CEP170: variants seen among roughly 807,000 people sequenced by gnomAD.
The protein encoded by CEP170 is centrosomal protein 170, also known as centrosomal protein of 170 kDa.
A neutral mutation model predicts 151.9 loss-of-function variants in CEP170; 21 were observed. The observed-to-expected ratio is 0.14, with a 90% CI of 0.10 to 0.20. CEP170 has a LOEUF of 0.20. CEP170 is among the 10% of genes least tolerant of loss of function. CEP170 has a pLI of 1.00. For missense variants in CEP170, 964 were observed against 1,892.9 expected, an observed-to-expected ratio of 0.51 and a Z score of 9.11; for synonymous variants, 356 against 648.8, an observed-to-expected ratio of 0.55 and a Z score of 6.86.
intron 10 of CEP170, among the ~76,000 whole-genome samples, chr1:243,176,530 T>C (rs1430075359): frequency 6.8e-6 from 1 of 147,498 alleles, no homozygotes; most frequent in Non-Finnish European, 1.5e-5. Flanking sequence ...GGCCTTTAGG[T>C]CTGGGGTAAG....
intron 7 of CEP170, among the ~76,000 whole-genome samples, chr1:243,193,129 T>C (rs2060420113): frequency 6.6e-6 from 1 of 152,146 alleles, no homozygotes; most frequent in African/African-American, 2.4e-5. Context: ...TGTCTTTTTC[T>C]TAAAAATAAA....
Position 243,214,681 on chromosome 1 carries a change from T to C in CEP170, c.196-2717A>G, listed in dbSNP as rs560273782. Among the ~76,000 whole-genome samples the C allele has an allele frequency of 2.6e-4, 39 of 152,274 alleles. No individual in the cohort carries two copies. The South Asian group carries it at 7.1e-3, about 28-fold the overall frequency. On this transcript the variant is annotated intron_variant, in intron 3 of 19. Coordinates refer to ENST00000366542, the MANE Select transcript of CEP170 (RefSeq NM_014812.3). ...CTAAAGACATACAGTACTTGAGATC[T>C]GGAATCAACATTTATAAGATGGATA...
chr1:243,235,267 G>A (rs1452644401), intron 1 of CEP170, among the ~76,000 whole-genome samples: 1 of 152,170 alleles, frequency 6.6e-6, no homozygotes, highest in Non-Finnish European at 1.5e-5. Context: ...TCAGGCCGGG[G>A]TGGTCTACGG....
intron 19 of CEP170, among the ~76,000 whole-genome samples, chr1:243,127,188 G>T (rs185704574): frequency 1.3e-5 from 2 of 152,284 alleles, no homozygotes; most frequent in Non-Finnish European, 2.9e-5. Context: ...TACTTTGAAT[G>T]CTACCATAGA....
In CEP170 at chr1:243,238,677, A is replaced by G. The variant is rs530461687; in HGVS notation, c.-41-13356T>C. ...GTACTAGAGTGTATGGTATATATAC[A>G]TGTATTAAAGAAAAAATCAAATCAT... On this transcript the variant is annotated intron_variant, in intron 1 of 19. Coordinates refer to ENST00000366542, the MANE Select transcript of CEP170 (RefSeq NM_014812.3). Among the ~76,000 whole-genome samples, 371 of 152,304 alleles carry G rather than the reference A, an allele frequency of 2.4e-3. 1 individual carries two copies. Among genetic ancestry groups the G allele is most frequent in the African/African-American group, 8.5e-3 (355 of 41,558 alleles).
At chr1:243,134,138 G>A (rs993081720) in intron 17 of CEP170, among the ~76,000 whole-genome samples, 4 of 152,182 alleles carry the variant, frequency 2.6e-5, no homozygotes, top group African/African-American at 4.8e-5. Context: ...TAATATTCAA[G>A]TGAAATAATG....
chr1:243,209,192 T>C (rs2061611544), intron 4 of CEP170, among the ~76,000 whole-genome samples: 1 of 152,218 alleles, frequency 6.6e-6, no homozygotes, highest in Non-Finnish European at 1.5e-5. Context: ...ATTTCATTTA[T>C]TTATTTATTT....
intron 14 of CEP170, among the ~76,000 whole-genome samples, chr1:243,152,259 T>C (rs1226576161): frequency 1.3e-5 from 2 of 151,268 alleles, no homozygotes; most frequent in Non-Finnish European, 2.9e-5. Flanking sequence ...TCTCGCTCTG[T>C]CGCCCAGGCT....
chr1:243,242,830 A>G (rs2064990740), intron 1 of CEP170, among the ~76,000 whole-genome samples: 1 of 152,042 alleles, frequency 6.6e-6, no homozygotes. Flanking sequence ...CCTCCCAGGT[A>G]GCCAGGATTA....
rs566068799 is a variant in CEP170 at position 243,249,932 on chromosome 1, T to C, written c.-42+5108A>G. Among the ~76,000 whole-genome samples the C allele has an allele frequency of 1.2e-3, 181 of 152,198 alleles. 1 individual carries two copies. Among genetic ancestry groups the C allele is most frequent in the African/African-American group, 4.1e-3 (171 of 41,536 alleles). Reference sequence around the variant, plus strand: ...CCTGTCTTTACTAAAATACAAAAAATTAGCCGGGCGTGCCTGTAGTCCCGG... The same window carrying C: ...CCTGTCTTTACTAAAATACAAAAAACTAGCCGGGCGTGCCTGTAGTCCCGG... On this transcript the variant is annotated intron_variant, in intron 1 of 19. Coordinates refer to ENST00000366542, the MANE Select transcript of CEP170 (RefSeq NM_014812.3).
intron 4 of CEP170, 82 bp from the exon 5 acceptor site, chr1:243,200,917 G>C (rs2060984961): frequency 1.3e-6 from 2 of 1,494,314 alleles, no homozygotes; most frequent in Non-Finnish European, 1.8e-6. Context: ...TTTAGAAATT[G>C]TTCTATTTCA....
chr1:243,226,075 C>CTAGATATAGATATCTAGATA (rs2063231309), intron 1 of CEP170, among the ~76,000 whole-genome samples: 2 of 138,152 alleles, frequency 1.4e-5, no homozygotes, highest in Admixed American at 1.4e-4. Flanking sequence ...ATATCTATAT[C>CTAGATATAGATATCTAGATA]TAGATATAAA....
At chr1:243,128,425 T>C in intron 18 of CEP170, 125 bp from the exon 19 acceptor site, 1 of 612,646 alleles carries the variant, frequency 1.6e-6, no homozygotes, top group Non-Finnish European at 2.7e-6. Context: ...CTTACTACAT[T>C]AATAGCAACA....
intron 7 of CEP170, among the ~76,000 whole-genome samples, chr1:243,195,052 CTTAT>C (rs1558556178): frequency 6.6e-6 from 1 of 151,786 alleles, no homozygotes; most frequent in East Asian, 1.9e-4. Context: ...AAATATTAAA[CTTAT>C]TTGAGATGAC....
intron 1 of CEP170, among the ~76,000 whole-genome samples, chr1:243,238,198 A>G (rs2064434139): frequency 6.6e-6 from 1 of 152,020 alleles, no homozygotes; most frequent in African/African-American, 2.4e-5. Flanking sequence ...CCTAAAGAAC[A>G]CTGAACACTG....
chr1:243,223,867 A>G (rs1572450108), intron 2 of CEP170, among the ~76,000 whole-genome samples: 1 of 152,228 alleles, frequency 6.6e-6, no homozygotes, highest in Non-Finnish European at 1.5e-5. Context: ...CAATGAAAAA[A>G]AAATTCCTAT....
chr1:243,178,521 G>A (rs186055002), intron 10 of CEP170, among the ~76,000 whole-genome samples: 54 of 152,126 alleles, frequency 3.5e-4, no homozygotes, highest in African/African-American at 1.2e-3. Context: ...AGGAAGGAAT[G>A]GGAAGTGACT....
intron 1 of CEP170, among the ~76,000 whole-genome samples, chr1:243,252,861 C>T (rs1322647428): frequency 2.0e-5 from 3 of 152,098 alleles, no homozygotes; most frequent in Non-Finnish European, 4.4e-5. Context: ...GAAAAAAGCA[C>T]TTTATGGCAA....
rs1430164152 is a variant in CEP170, at chr1:243,159,876, C to T, written c.3677-3421G>A. On this transcript the variant is annotated intron_variant, in intron 13 of 19. Coordinates refer to ENST00000366542, the MANE Select transcript of CEP170 (RefSeq NM_014812.3). Reference sequence around the variant, plus strand: ...CCATCTTGGCTCACTGCAATCTCCACCTCCCAGGTTCAAGCAATTCTCCTG... The same window carrying T: ...CCATCTTGGCTCACTGCAATCTCCATCTCCCAGGTTCAAGCAATTCTCCTG... 2.6e-5 allele frequency among the ~76,000 whole-genome samples: 4 copies of T among 151,470 alleles called. No homozygotes were observed. In the East Asian group the frequency reaches 5.9e-4, roughly 22 times the overall value.
Sources: gnomAD v4.1 joint callset for allele counts (sites outside exome capture counted in the v4.1 genomes callset) on GRCh38, gnomAD v4.1.1 for gene constraint, MANE v1.5 for transcripts, NCBI Gene and HGNC (gene_info 2026-07-23, HGNC 2026-07-21) for gene names.